Variants in CTNNA2 observed in about 807,000 individuals in gnomAD.
The protein encoded by CTNNA2 is catenin alpha 2, also known as catenin alpha-2.
CTNNA2 carries 42 observed loss-of-function variants against 101.0 expected under a neutral mutation model. The ratio of observed to expected loss-of-function variants is 0.42; its 90% confidence interval spans 0.32 to 0.54. The LOEUF (loss-of-function observed/expected upper bound fraction) is 0.54, where lower values mean the gene tolerates loss of function less well. Ranked by LOEUF, CTNNA2 falls within the 20% of genes least tolerant of loss-of-function variation. The probability of loss-of-function intolerance (pLI) is 0.14; values close to 1 mark genes in which losing one functional copy is unlikely to be tolerated. For missense variants in CTNNA2, 871 were observed against 1,223.1 expected (o/e 0.71, Z 4.29); for synonymous variants, 450 against 456.4 (o/e 0.99, Z 0.18).
intron 7 of CTNNA2, among the ~76,000 whole-genome samples, chr2:80,034,537 G>A (rs1180809473): frequency 1.3e-5 from 2 of 151,548 alleles, no homozygotes; most frequent in African/African-American, 4.9e-5. Flanking sequence ...TATTTTTATT[G>A]GAGTTAGGGT....
chr2:79,326,100 G>T (rs1483015627), intron 3 of CTNNA2, among the ~76,000 whole-genome samples: 2 of 152,110 alleles, frequency 1.3e-5, no homozygotes, highest in East Asian at 1.9e-4. Context: ...TCTTTCATTA[G>T]TTCATCACCC....
At chr2:80,144,898 G>C (rs2148916615) in intron 7 of CTNNA2, among the ~76,000 whole-genome samples, 1 of 152,196 alleles carries the variant, frequency 6.6e-6, no homozygotes. Flanking sequence ...AGATTGTCCT[G>C]TGCATTGTGG....
chr2:79,362,304 A>G (rs1364738200), intron 3 of CTNNA2, among the ~76,000 whole-genome samples: 3 of 152,196 alleles, frequency 2.0e-5, no homozygotes, highest in African/African-American at 7.2e-5. Flanking sequence ...ATTTGTTATT[A>G]TTTAGTTTTT....
chr2:80,202,444 G>C (rs1707266399), intron 7 of CTNNA2, among the ~76,000 whole-genome samples: 1 of 152,154 alleles, frequency 6.6e-6, no homozygotes, highest in South Asian at 2.1e-4. Context: ...AGCAGGGAAG[G>C]CTTCCCCTAT....
chr2:80,558,984 C>T (rs1481532233), intron 12 of CTNNA2, among the ~76,000 whole-genome samples: 2 of 151,978 alleles, frequency 1.3e-5, no homozygotes, highest in African/African-American at 2.4e-5. Context: ...CTGTTTTGTC[C>T]ATTATGGGAT....
chr2:80,300,281 G>GGTGTGTGTGTGT (rs70940079), intron 7 of CTNNA2, among the ~76,000 whole-genome samples: 1 of 93,108 alleles, frequency 1.1e-5, no homozygotes, highest in Non-Finnish European at 2.2e-5. Flanking sequence ...GGGGTGTTGG[G>GGTGTGTGTGTGT]GTGTGTGTGT....
intron 12 of CTNNA2, among the ~76,000 whole-genome samples, chr2:80,557,568 T>C (rs1251527516): frequency 1.3e-5 from 2 of 152,126 alleles, no homozygotes; most frequent in African/African-American, 2.4e-5. Flanking sequence ...CAGGACTCAG[T>C]TCCTGCCCAC....
At chr2:79,374,287 A>G (rs1211222562) in intron 4 of CTNNA2, among the ~76,000 whole-genome samples, 1 of 152,152 alleles carries the variant, frequency 6.6e-6, no homozygotes, top group Non-Finnish European at 1.5e-5. Context: ...TAAAATTAAC[A>G]TCTCTGAGAT....
intron 1 of CTNNA2, among the ~76,000 whole-genome samples, chr2:79,561,412 CAT>C (rs1244190266): frequency 6.6e-6 from 1 of 151,826 alleles, no homozygotes; most frequent in East Asian, 1.9e-4. Context: ...CTTTTATGAA[CAT>C]ATGTTTTCAT....
chr2:80,435,690 A>G (rs1038815141), intron 9 of CTNNA2, among the ~76,000 whole-genome samples: 1 of 152,194 alleles, frequency 6.6e-6, no homozygotes, highest in African/African-American at 2.4e-5. Flanking sequence ...CATATCACCC[A>G]TAAAGTTGAG....
rs202209285 is a variant in CTNNA2 at position 80,303,690 on chromosome 2, G to C, written c.1057-89521G>C. The C allele has an allele frequency of 9.3e-6, 15 of 1,610,216 alleles. 1 individual carries two copies. Among genetic ancestry groups the C allele is most frequent in the South Asian group, 6.6e-5 (6 of 90,798 alleles). On this transcript the variant is annotated intron_variant, in intron 7 of 18. Coordinates refer to ENST00000402739, the MANE Select transcript of CTNNA2 (RefSeq NM_001282597.3). The surrounding 1 kb of genome is among the most constrained non-coding windows in gnomAD (Gnocchi z 7.7). ...CAGTACAGCAGCCGCCCCTCGCACC[G>C]GCACAGCTGCGGGCACCCGCTGGGG...
intron 9 of CTNNA2, among the ~76,000 whole-genome samples, chr2:80,436,764 C>T (rs796377246): frequency 7.2e-5 from 11 of 152,232 alleles, no homozygotes; most frequent in African/African-American, 2.6e-4. Context: ...GGCAAACAAG[C>T]TCTGTCAGTC....
At chr2:79,580,936 A>AT (rs1676111504) in intron 1 of CTNNA2, among the ~76,000 whole-genome samples, 1 of 152,176 alleles carries the variant, frequency 6.6e-6, no homozygotes, top group Non-Finnish European at 1.5e-5. Flanking sequence ...GGAGTACTTG[A>AT]TTTTACCACC....
intron 7 of CTNNA2, among the ~76,000 whole-genome samples, chr2:80,128,602 C>CA (rs1302135346): frequency 6.6e-6 from 1 of 151,992 alleles, no homozygotes; most frequent in Non-Finnish European, 1.5e-5. Context: ...GAAATTTACC[C>CA]AAAAAACAGT....
intron 4 of CTNNA2, among the ~76,000 whole-genome samples, chr2:79,446,449 G>A (rs561896372): frequency 4.6e-5 from 7 of 152,138 alleles, no homozygotes; most frequent in African/African-American, 1.7e-4. Flanking sequence ...TGCCCTATTA[G>A]AGGACACCAC....
At chr2:80,120,511 A>C (rs2148877074) in intron 7 of CTNNA2, among the ~76,000 whole-genome samples, 1 of 152,190 alleles carries the variant, frequency 6.6e-6, no homozygotes, top group East Asian at 1.9e-4. Flanking sequence ...TTCCAAGGTT[A>C]AGAGTTGCAT....
intron 9 of CTNNA2, among the ~76,000 whole-genome samples, chr2:80,505,928 C>T (rs887607205): frequency 6.6e-6 from 1 of 152,130 alleles, no homozygotes; most frequent in Non-Finnish European, 1.5e-5. Flanking sequence ...TGTAAGGCAG[C>T]CTCAAGGGAT....
intron 7 of CTNNA2, among the ~76,000 whole-genome samples, chr2:80,293,574 A>C (rs1675459945): frequency 6.6e-6 from 1 of 152,148 alleles, no homozygotes; most frequent in South Asian, 2.1e-4. Flanking sequence ...ACAAGGTGGG[A>C]TGTCCTGGCC....
At chr2:80,115,925 T>C (rs1180698210) in intron 7 of CTNNA2, among the ~76,000 whole-genome samples, 2 of 152,194 alleles carry the variant, frequency 1.3e-5, no homozygotes, top group Non-Finnish European at 2.9e-5. Flanking sequence ...CCTTTGTTTC[T>C]CTACCCATAT....
Sources: gnomAD v4.1 joint callset for allele counts (sites outside exome capture counted in the v4.1 genomes callset) on GRCh38, gnomAD v4.1.1 for gene constraint, Gnocchi (gnomAD v3.1) non-coding constraint, MANE v1.5 for transcripts, NCBI Gene and HGNC (gene_info 2026-07-23, HGNC 2026-07-21) for gene names.